The following NSG1 variants were observed in gnomAD, a reference collection of about 807,000 sequenced individuals.
The protein encoded by NSG1 is neuronal vesicle trafficking associated 1.
NSG1 carries 9 observed loss-of-function variants against 19.3 expected under a neutral mutation model. That is an observed-to-expected ratio of 0.47 (90% CI 0.28 to 0.81). The LOEUF (loss-of-function observed/expected upper bound fraction) is 0.81, where lower values mean the gene tolerates loss of function less well. NSG1 is among the 40% of genes least tolerant of loss of function. The probability of loss-of-function intolerance (pLI) is 0.11; values close to 1 mark genes in which losing one functional copy is unlikely to be tolerated. For synonymous variants in NSG1, 104 were observed against 107.0 expected (o/e 0.97, Z 0.17); for missense variants, 236 against 242.4 (o/e 0.97, Z 0.18).
At chr4:4,415,198 C>T (rs1217697940) in intron 4 of NSG1, among the ~76,000 whole-genome samples, 4 of 152,128 alleles carry the variant, frequency 2.6e-5, no homozygotes, top group South Asian at 2.1e-4. Context: ...CATGAGCCAT[C>T]GCACCCGGAC....
intron 1 of NSG1, 43 bp from the exon 2 acceptor site, chr4:4,387,561 C>CGGGGGTGG: frequency 5.9e-5 from 67 of 1,141,886 alleles, no homozygotes; most frequent in East Asian, 8.0e-5. Context: ...CGCCCCGCCC[C>CGGGGGTGG]GGGTCTTGCT....
At chr4:4,392,883 G>A (rs368318355) in intron 3 of NSG1, among the ~76,000 whole-genome samples, 22 of 152,192 alleles carry the variant, frequency 1.4e-4, no homozygotes, top group Non-Finnish European at 7.4e-5. Flanking sequence ...TAAGGATGTC[G>A]TGTGTGCCGA....
intron 1 of NSG1, 40 bp from the exon 2 acceptor site, chr4:4,387,561 CGGG>C (rs1368557477): frequency 1.1e-5 from 13 of 1,141,944 alleles, no homozygotes; most frequent in Non-Finnish European, 1.6e-5. Context: ...CGCCCCGCCC[CGGG>C]TCTTGCTTGT....
intron 3 of NSG1, among the ~76,000 whole-genome samples, chr4:4,397,802 A>G (rs959440924): frequency 1.3e-5 from 2 of 151,884 alleles, no homozygotes; most frequent in African/African-American, 2.4e-5. Flanking sequence ...TCCTGTTTGT[A>G]TTTCTCTGTT....
chr4:4,396,874 G>A (rs913658280), intron 3 of NSG1, among the ~76,000 whole-genome samples: 1 of 152,110 alleles, frequency 6.6e-6, no homozygotes, highest in Non-Finnish European at 1.5e-5. Context: ...TTCTTCCCGT[G>A]GGGGTGGTAT....
intron 4 of NSG1, 95 bp from the exon 5 acceptor site, chr4:4,417,139 AG>A: frequency 9.9e-7 from 1 of 1,013,948 alleles, no homozygotes; most frequent in African/African-American, 1.6e-5. Context: ...CTCCAAGCTC[AG>A]GGAAGGTGCT....
chr4:4,396,004 G>A (rs1022649099), intron 3 of NSG1, among the ~76,000 whole-genome samples: 2 of 152,176 alleles, frequency 1.3e-5, no homozygotes, highest in Non-Finnish European at 2.9e-5. Context: ...CTGGGAGAAG[G>A]TTCTGAGAGA....
intron 2 of NSG1, among the ~76,000 whole-genome samples, chr4:4,391,033 G>A (rs1428939897): frequency 1.3e-5 from 2 of 151,776 alleles, no homozygotes; most frequent in African/African-American, 2.4e-5. Context: ...GGAGGGCTGT[G>A]GACAGTACCC....
intron 2 of NSG1, among the ~76,000 whole-genome samples, chr4:4,388,095 T>C (rs1212061001): frequency 1.0e-5 from 1 of 99,434 alleles, no homozygotes; most frequent in African/African-American, 3.0e-5. Flanking sequence ...CCCCAGGGGC[T>C]CTGGATCGGG....
chr4:4,416,676 C>T (rs1470780721), intron 4 of NSG1, among the ~76,000 whole-genome samples: 1 of 152,132 alleles, frequency 6.6e-6, no homozygotes, highest in Admixed American at 6.5e-5. Flanking sequence ...ACCCACGGCC[C>T]CTCCCTACCC....
intron 3 of NSG1, among the ~76,000 whole-genome samples, chr4:4,398,074 C>T (rs1485355658): frequency 6.6e-6 from 1 of 152,166 alleles, no homozygotes; most frequent in Non-Finnish European, 1.5e-5. Flanking sequence ...CCTGCCTCAG[C>T]CTCCTAAGTA....
At chr4:4,393,597 A>G (rs1577281056) in intron 3 of NSG1, among the ~76,000 whole-genome samples, 1 of 152,210 alleles carries the variant, frequency 6.6e-6, no homozygotes, top group East Asian at 1.9e-4. Context: ...TGCTCAGTAC[A>G]TGACTATACT....
chr4:4,387,069 C>T (rs1722754855), upstream of NSG1: 1 of 152,008 alleles, frequency 6.6e-6, no homozygotes, highest in Admixed American at 6.5e-5. Flanking sequence ...ATCGTTCGCT[C>T]CCCTTCCCGG....
rs1560150331 is a variant in NSG1 at position 4,417,585 on chromosome 4, C to T, written c.*150C>T. ...TGCTAATGCTGCTTTGCAAATAAAA[C>T]TTGCTGCCGACCACCCACGGGCATA... On this transcript the variant is annotated 3_prime_UTR_variant, in exon 5 of 5. Transcript: ENST00000621129. 2.5e-6 allele frequency: 2 copies of T among 792,966 alleles called. No individual in the cohort carries two copies. The highest frequency in any genetic ancestry group is 3.9e-6 in the Non-Finnish European group (2 of 506,364). The allele number at this position is 792,966 out of a possible 1,614,324, so 49.1% of individuals were successfully genotyped here. A position where few individuals can be genotyped will look rare whatever the true frequency, so the allele number is the denominator to read the frequency against.
In NSG1 at chr4:4,393,797, T is replaced by C. The variant is rs186700906; in HGVS notation, c.246+2206T>C. 1.2e-4 allele frequency among the ~76,000 whole-genome samples: 18 copies of C among 152,186 alleles called. No individual in the cohort carries two copies. In the East Asian group the frequency reaches 3.3e-3, roughly 28 times the overall value. On this transcript the variant is annotated intron_variant, in intron 3 of 4. Transcript: ENST00000621129. ...AAGCCAAGGCCTTCCCAACATACCT[T>C]GCACCACATCCCTCCCCACTCCCAT...
At chr4:4,413,356 G>C (rs1724328288) in intron 4 of NSG1, among the ~76,000 whole-genome samples, 1 of 151,646 alleles carries the variant, frequency 6.6e-6, no homozygotes, top group Non-Finnish European at 1.5e-5. Flanking sequence ...TTGGGGGAGT[G>C]TGCCCAGCCA....
At chr4:4,409,715 G>C (rs757354355) in intron 4 of NSG1, 32 bp downstream of exon 4, 2 of 1,550,242 alleles carry the variant, frequency 1.3e-6, no homozygotes, top group Non-Finnish European at 1.8e-6. Context: ...GAGGCCCTGG[G>C]ACGCCTTTGC....
intron 4 of NSG1, among the ~76,000 whole-genome samples, chr4:4,411,122 C>T (rs748648409): frequency 5.4e-4 from 82 of 152,136 alleles, no homozygotes; most frequent in Non-Finnish European, 1.1e-3. Flanking sequence ...TCCCAAAGTG[C>T]TGAGATTACA....
intron 2 of NSG1, among the ~76,000 whole-genome samples, chr4:4,388,945 T>C (rs1722869034): frequency 6.6e-6 from 1 of 152,226 alleles, no homozygotes; most frequent in Admixed American, 6.5e-5. Flanking sequence ...TGGTCCAGGC[T>C]AGGCTTTGCA....
Sources: allele counts gnomAD v4.1 joint callset (sites outside exome capture counted in the v4.1 genomes callset), GRCh38; gene constraint gnomAD v4.1.1; transcripts MANE v1.5; gene names NCBI Gene and HGNC (gene_info 2026-07-23, HGNC 2026-07-21).